Variants in GATA4 observed in about 807,000 individuals in gnomAD.
The protein encoded by GATA4 is transcription factor GATA-4.
A neutral mutation model predicts 37.9 loss-of-function variants in GATA4; 7 were observed. That is an observed-to-expected ratio of 0.18 (90% confidence interval 0.11 to 0.35). The LOEUF is 0.35. Among genes scored for constraint, GATA4 ranks in the 10% least tolerant of loss-of-function variants. GATA4 has a pLI of 1.00. For synonymous variants in GATA4, 372 were observed against 292.6 expected, an observed-to-expected ratio of 1.27 and a Z score of -2.77; for missense variants, 647 against 653.0, an observed-to-expected ratio of 0.99 and a Z score of 0.10.
chr8:11,708,960 A>G lies in GATA4; in HGVS notation c.616+32A>G. 6.6e-7 allele frequency: 1 copy of G among 1,514,512 alleles called. No homozygotes were observed. The highest frequency in any genetic ancestry group is 8.8e-7 in the Non-Finnish European group (1 of 1,138,256). 93.8% of individuals were successfully genotyped at this position (1,514,512 alleles called of 1,614,324 possible). On this transcript the variant is annotated intron_variant, in intron 2 of 6. Coordinates refer to ENST00000532059, the MANE Select transcript of GATA4 (RefSeq NM_001308093.3). The surrounding 1 kb of genome is among the most constrained non-coding windows in gnomAD (Gnocchi z 6.7). ...AGGAGCGCGAGGGCTGGGGCGCGTG[A>G]GGGCCGGGGCAGGGGCCGTCTTGAG...
chr8:11,688,524 G>GCACACACA (rs56159918), upstream of GATA4, among the ~76,000 whole-genome samples: 4 of 149,530 alleles, frequency 2.7e-5, no homozygotes, highest in Admixed American at 1.3e-4. Flanking sequence ...GTGCGCGCAT[G>GCACACACA]CACACACACA....
At chr8:11,691,035 T>C (rs1275461956), upstream of GATA4, among the ~76,000 whole-genome samples, 1 of 152,202 alleles carries the variant, frequency 6.6e-6, no homozygotes, top group East Asian at 1.9e-4. Flanking sequence ...GTGCCTTGGT[T>C]TCTTCATCTA....
intron 2 of GATA4, among the ~76,000 whole-genome samples, 182 bp from the exon 3 acceptor site, chr8:11,748,734 T>C (rs1802148431): frequency 6.6e-6 from 1 of 152,118 alleles, no homozygotes. Context: ...ACTCTCAGTG[T>C]CTGGGATTAG....
chr8:11,693,440 G>C (rs532334359), intron 1 of GATA4, among the ~76,000 whole-genome samples: 2 of 151,962 alleles, frequency 1.3e-5, no homozygotes, highest in South Asian at 4.2e-4. Context: ...CCTGGTGACA[G>C]AGTGAGACCC....
chr8:11,727,950 C>G (rs1801014999), intron 2 of GATA4, among the ~76,000 whole-genome samples: 2 of 152,170 alleles, frequency 1.3e-5, no homozygotes. Context: ...AAGCATAGTA[C>G]TCGGCATGTA....
chr8:11,708,320 A>G lies in GATA4; in HGVS notation c.8A>G (p.Gln3Arg). The change falls in exon 2 of 7, where the codon CAG (glutamine) becomes CGG (arginine). Residue 3 changes from glutamine (Q) to arginine (R), a missense_variant. By Grantham distance (43) the Gln-to-Arg change is conservative. Transcript: ENST00000532059. This position sits in a 1 kb window ranked among gnomAD's most constrained non-coding sequence, Gnocchi z 6.7. MYQSLAMAANHGP... is the reference protein window; with the variant it reads MYRSLAMAANHGP... ...CGGGAGCTCGCAGGGACCATGTATC[A>G]GAGCTTGGCCATGGCCGCCAACCAC... 1 of 1,584,238 alleles carries G rather than the reference A, an allele frequency of 6.3e-7. No homozygotes were observed.
At chr8:11,686,416 A>T (rs960874647) in intron 1 of GATA4, among the ~76,000 whole-genome samples, 7 of 152,146 alleles carry the variant, frequency 4.6e-5, no homozygotes, top group Admixed American at 2.6e-4. Context: ...TTTAAAAAAA[A>T]TTTTTGAGGT....
At chr8:11,697,625 C>T in intron 1 of GATA4, 3 of 985,438 alleles carry the variant, frequency 3.0e-6, no homozygotes, top group Non-Finnish European at 3.6e-6. Context: ...GGCCGGGCCT[C>T]CGGCCCCAGC....
chr8:11,717,317 T>A (rs957020355), intron 2 of GATA4, among the ~76,000 whole-genome samples: 1 of 152,200 alleles, frequency 6.6e-6, no homozygotes, highest in Non-Finnish European at 1.5e-5. Context: ...GGCTAACAAC[T>A]TTTTAGCGAG....
chr8:11,678,399 T>C (rs1345606224), intron 1 of GATA4, among the ~76,000 whole-genome samples: 1 of 152,220 alleles, frequency 6.6e-6, no homozygotes, highest in African/African-American at 2.4e-5. Flanking sequence ...TGAAAAGCTG[T>C]CACAAAACTT....
chr8:11,679,251 C>A lies in GATA4; in HGVS notation c.-274+2188C>A, dbSNP rs968969677. On this transcript the variant is annotated intron_variant, in intron 1 of 6. Coordinates refer to the GATA4 transcript ENST00000528712. ...AGGAGAATGTCAGTGGCCCTGAAGG[C>A]CCTGCCTCGGATCTCCACGGTCGCG... Among the ~76,000 whole-genome samples the A allele has an allele frequency of 2.0e-5, 3 of 151,740 alleles. No homozygotes were observed. In the East Asian group the frequency reaches 5.8e-4, roughly 29 times the overall value.
intron 2 of GATA4, among the ~76,000 whole-genome samples, chr8:11,740,450 G>C (rs985821801): frequency 3.3e-5 from 5 of 152,234 alleles, no homozygotes; most frequent in African/African-American, 1.2e-4. Flanking sequence ...ACAAAGAGGA[G>C]AACCTTGTCC....
At chr8:11,746,625 T>G (rs1191385616) in intron 2 of GATA4, among the ~76,000 whole-genome samples, 1 of 152,166 alleles carries the variant, frequency 6.6e-6, no homozygotes, top group Non-Finnish European at 1.5e-5. Context: ...GCCTCTTTAA[T>G]CCCCTCATGG....
intron 1 of GATA4, among the ~76,000 whole-genome samples, chr8:11,705,323 C>T (rs1042544941): frequency 1.3e-5 from 2 of 152,192 alleles, no homozygotes; most frequent in Non-Finnish European, 2.9e-5. Flanking sequence ...TGTCTCCTCC[C>T]CTGCTGCGGC....
chr8:11,678,112 T>C (rs1004119911), intron 1 of GATA4, among the ~76,000 whole-genome samples: 3 of 151,820 alleles, frequency 2.0e-5, no homozygotes, highest in African/African-American at 7.3e-5. Flanking sequence ...CACGGGTCAG[T>C]GTCATAACCA....
chr8:11,724,409 C>T (rs191768332), intron 2 of GATA4, among the ~76,000 whole-genome samples: 2 of 152,316 alleles, frequency 1.3e-5, no homozygotes, highest in Admixed American at 1.3e-4. Context: ...GAGACTGCAC[C>T]ATTTTATATC....
intron 1 of GATA4, among the ~76,000 whole-genome samples, chr8:11,685,082 C>T (rs982358779): frequency 2.6e-5 from 4 of 152,150 alleles, no homozygotes; most frequent in African/African-American, 9.7e-5. Flanking sequence ...GACAAGGACG[C>T]ACCAAACATT....
rs529668969 is a variant in GATA4, at chr8:11,742,660, G to C, written c.617-6256G>C. 6.6e-5 allele frequency among the ~76,000 whole-genome samples: 10 copies of C among 152,342 alleles called. No homozygotes were observed. The South Asian group carries it at 1.9e-3, about 28-fold the overall frequency. On this transcript the variant is annotated intron_variant, in intron 2 of 6. Transcript: ENST00000532059. ...GCCGGAGCGCCGCTGGAGCTGTGTGGGCCTCCCCGTGACAGCCTCCTGTCA... is the reference window on the plus strand; with the variant it reads ...GCCGGAGCGCCGCTGGAGCTGTGTGCGCCTCCCCGTGACAGCCTCCTGTCA...
At chr8:11,742,396 TCC>T (rs146066817) in intron 2 of GATA4, among the ~76,000 whole-genome samples, 52,458 of 143,622 alleles carry the variant, frequency 0.37, 11,365 homozygotes, top group Non-Finnish European at 0.49. Flanking sequence ...TTTTTTTTTT[TCC>T]TTTCCCTTTC....
Sources: allele counts gnomAD v4.1 joint callset (sites outside exome capture counted in the v4.1 genomes callset), GRCh38; gene constraint gnomAD v4.1.1; non-coding constraint Gnocchi (gnomAD v3.1); transcripts MANE v1.5; gene names NCBI Gene and HGNC (gene_info 2026-07-23, HGNC 2026-07-21).